The following RGS7 variants were observed in gnomAD, a reference collection of about 807,000 sequenced individuals.
RGS7 encodes the protein regulator of G protein signaling 7.
Under a neutral mutation model 81.1 loss-of-function variants are expected in RGS7, and 27 were observed. That is an observed-to-expected ratio of 0.33 (90% CI 0.25 to 0.46). The LOEUF (loss-of-function observed/expected upper bound fraction) is 0.46. Ranked by LOEUF, RGS7 falls within the 20% of genes least tolerant of loss-of-function variation. RGS7 has a pLI of 1.00. For missense variants in RGS7, 396 were observed against 607.4 expected, an observed-to-expected ratio of 0.65 and a Z score of 3.66; for synonymous variants, 208 against 207.7, an observed-to-expected ratio of 1.00 and a Z score of -0.01.
chr1:241,069,337 A>G (rs1269550158), intron 3 of RGS7, among the ~76,000 whole-genome samples: 1 of 152,178 alleles, frequency 6.6e-6, no homozygotes. Context: ...ACACATCCCG[A>G]ATTTAAAAGC....
At position 241,181,401 on chromosome 1, in the gene RGS7, A is replaced by G. The variant is rs116812372; in HGVS notation, c.79-82639T>C. 4.4e-3 allele frequency among the ~76,000 whole-genome samples: 666 copies of G among 152,362 alleles called. 5 individuals are homozygous for G. Among genetic ancestry groups the G allele is most frequent in the African/African-American group, 0.016 (653 of 41,584 alleles). ...AATAAAATACATTTAAAACAATCAT[A>G]AAAGAACAGTACTTCGGCCATAGAG... On this transcript the variant is annotated intron_variant, in intron 2 of 18. Transcript: ENST00000440928.
At chr1:240,904,894 G>T (rs1392656602) in intron 6 of RGS7, among the ~76,000 whole-genome samples, 1 of 152,098 alleles carries the variant, frequency 6.6e-6, no homozygotes, top group African/African-American at 2.4e-5. Flanking sequence ...CTCCATGCAT[G>T]GCTAAATACA....
Position 241,127,658 on chromosome 1 carries a change from G to A in RGS7, c.79-28896C>T, listed in dbSNP as rs1036063069. Among the ~76,000 whole-genome samples, 6 of 152,124 alleles carry A rather than the reference G, an allele frequency of 3.9e-5. No individual in the cohort carries two copies. The East Asian group carries it at 5.8e-4, about 15-fold the overall frequency. On this transcript the variant is annotated intron_variant, in intron 2 of 18. Transcript: ENST00000440928. ...GTATACATATGTAACAAACCTGCAC[G>A]TTGTGCACATGTACCCTAAAACTTA...
chr1:241,230,477 G>T (rs1192965287), intron 2 of RGS7, among the ~76,000 whole-genome samples: 1 of 152,134 alleles, frequency 6.6e-6, no homozygotes, highest in African/African-American at 2.4e-5. Flanking sequence ...GCCTCCCAAA[G>T]TTCTGGGATT....
chr1:240,850,223 G>A (rs924206914), intron 9 of RGS7, among the ~76,000 whole-genome samples: 3 of 152,198 alleles, frequency 2.0e-5, no homozygotes, highest in African/African-American at 7.2e-5. Flanking sequence ...GAAGGTTTGT[G>A]ACAACCCTGT....
At chr1:241,047,017 G>C (rs1276067178) in intron 3 of RGS7, among the ~76,000 whole-genome samples, 1 of 152,138 alleles carries the variant, frequency 6.6e-6, no homozygotes, top group Non-Finnish European at 1.5e-5. Context: ...TTTGTGAGCA[G>C]TCCATGAACC....
intron 18 of RGS7, among the ~76,000 whole-genome samples, chr1:240,790,145 T>C (rs1368237915): frequency 2.0e-5 from 3 of 151,992 alleles, no homozygotes; most frequent in Non-Finnish European, 4.4e-5. Context: ...AGCAGGAGAA[T>C]CACTTCAGCT....
chr1:241,085,802 C>T (rs1337997845), intron 3 of RGS7, among the ~76,000 whole-genome samples: 2 of 152,174 alleles, frequency 1.3e-5, no homozygotes, highest in Admixed American at 6.5e-5. Flanking sequence ...AAGGTTTGGA[C>T]TTCATGTGCT....
intron 3 of RGS7, among the ~76,000 whole-genome samples, chr1:241,083,322 A>G (rs2063256835): frequency 6.6e-6 from 1 of 152,162 alleles, no homozygotes; most frequent in Non-Finnish European, 1.5e-5. Flanking sequence ...GTTTTATGTC[A>G]GAGCCCAAGT....
chr1:241,091,440 C>T (rs554515851), intron 3 of RGS7, among the ~76,000 whole-genome samples: 125 of 151,244 alleles, frequency 8.3e-4, no homozygotes, highest in African/African-American at 2.9e-3. Context: ...CCCAGCTACT[C>T]GGGAGGCTGA....
In RGS7 at chr1:240,944,260, ATG is replaced by A. The variant is rs35591630; in HGVS notation, c.227-7556_227-7555del. Among the ~76,000 whole-genome samples, 206 of 51,726 alleles carry A rather than the reference ATG, an allele frequency of 4.0e-3. 2 individuals carry two copies. Among genetic ancestry groups the A allele is most frequent in the African/African-American group, 9.6e-3 (127 of 13,228 alleles). 33.9% of individuals were successfully genotyped at this position (51,726 alleles called of 152,430 possible). ...CTTTAACAAGATTCTGTTATATTAT[ATG>A]TGTGTGTGTGTGTGTGTGTGTATAT... On this transcript the variant is annotated intron_variant, in intron 4 of 18. Coordinates refer to ENST00000440928, the MANE Select transcript of RGS7 (RefSeq NM_001364886.1).
chr1:241,356,678 C>T (rs1254175383), intron 1 of RGS7, among the ~76,000 whole-genome samples: 1 of 151,674 alleles, frequency 6.6e-6, no homozygotes, highest in East Asian at 2.0e-4. Context: ...CGAGCCTGTG[C>T]CCCGCGCCGC....
intron 4 of RGS7, among the ~76,000 whole-genome samples, chr1:240,936,995 C>A (rs1676739664): frequency 6.6e-6 from 1 of 152,176 alleles, no homozygotes; most frequent in Admixed American, 6.5e-5. Context: ...CTGTAAACTG[C>A]CCCTCCCACT....
intron 2 of RGS7, among the ~76,000 whole-genome samples, chr1:241,293,011 G>C (rs1224755333): frequency 1.3e-5 from 2 of 152,200 alleles, no homozygotes; most frequent in African/African-American, 4.8e-5. Flanking sequence ...AAAGAGCTGG[G>C]TGCAAAAGCT....
intron 4 of RGS7, among the ~76,000 whole-genome samples, chr1:240,972,463 G>A (rs1417758693): frequency 3.7e-5 from 5 of 136,036 alleles, no homozygotes; most frequent in African/African-American, 8.3e-5. Flanking sequence ...ACCAAACACC[G>A]CATATTCTCA....
chr1:241,161,444 T>G (rs1250703183), intron 2 of RGS7, among the ~76,000 whole-genome samples: 1 of 150,326 alleles, frequency 6.7e-6, no homozygotes, highest in Non-Finnish European at 1.5e-5. Flanking sequence ...TAACTAATAA[T>G]AACTAATGGC....
At chr1:241,206,161 C>G (rs1285468395) in intron 2 of RGS7, among the ~76,000 whole-genome samples, 1 of 151,502 alleles carries the variant, frequency 6.6e-6, no homozygotes. Context: ...GCAACAGCTT[C>G]TTAATTGGTT....
intron 2 of RGS7, among the ~76,000 whole-genome samples, chr1:241,119,545 G>A (rs753636677): frequency 6.6e-6 from 1 of 152,138 alleles, no homozygotes; most frequent in African/African-American, 2.4e-5. Flanking sequence ...TTTGGACTTT[G>A]AATGGATCTT....
intron 2 of RGS7, among the ~76,000 whole-genome samples, chr1:241,161,413 CTAA>C: frequency 6.6e-6 from 1 of 151,186 alleles, no homozygotes; most frequent in Non-Finnish European, 1.5e-5. Flanking sequence ...ATAATAATAA[CTAA>C]TAACACATTA....
Sources: allele counts gnomAD v4.1 joint callset (sites outside exome capture counted in the v4.1 genomes callset), GRCh38; gene constraint gnomAD v4.1.1; transcripts MANE v1.5; gene names NCBI Gene and HGNC (gene_info 2026-07-23, HGNC 2026-07-21).